The following SGCZ variants were observed in gnomAD, a reference collection of about 807,000 sequenced individuals.
SGCZ encodes the protein zeta-sarcoglycan.
Under a neutral mutation model 41.3 loss-of-function variants are expected in SGCZ, and 40 were observed. That is an observed-to-expected ratio of 0.97 (90% CI 0.75 to 1.26). The LOEUF (loss-of-function observed/expected upper bound fraction) is 1.26. Among genes scored for constraint, SGCZ ranks in the 50% most tolerant of loss-of-function variants. SGCZ has a pLI of 0.00. For synonymous variants in SGCZ, 206 were observed against 137.5 expected, an observed-to-expected ratio of 1.50 and a Z score of -3.49; for missense variants, 552 against 369.8, an observed-to-expected ratio of 1.49 and a Z score of -4.04.
intron 1 of SGCZ, among the ~76,000 whole-genome samples, chr8:14,932,440 T>C (rs898798340): frequency 1.1e-4 from 16 of 152,106 alleles, no homozygotes; most frequent in African/African-American, 3.9e-4. Context: ...TAATTTTGAC[T>C]TCAGGCTCTA....
rs187764057 is a variant in SGCZ, at chr8:14,414,732, C to G, written c.235-90528G>C. Among the ~76,000 whole-genome samples the G allele has an allele frequency of 3.0e-3, 452 of 151,938 alleles. 2 individuals carry two copies. The highest frequency in any genetic ancestry group is 0.01 in the African/African-American group (432 of 41,476). On this transcript the variant is annotated intron_variant, in intron 2 of 7. Coordinates refer to ENST00000382080, the MANE Select transcript of SGCZ (RefSeq NM_139167.4). ...TTCAAGCATGTGATACCTTAAGGCT[C>G]TTTTTGGAAATGGGAAAAATGGCTT...
chr8:15,137,607 G>T (rs1808161372), intron 1 of SGCZ, among the ~76,000 whole-genome samples: 1 of 152,100 alleles, frequency 6.6e-6, no homozygotes, highest in Non-Finnish European at 1.5e-5. Context: ...GCTAAAAGGG[G>T]ACAAGGTACA....
intron 1 of SGCZ, among the ~76,000 whole-genome samples, chr8:15,039,586 T>G (rs1804004245): frequency 6.6e-6 from 1 of 152,192 alleles, no homozygotes; most frequent in African/African-American, 2.4e-5. Context: ...TGTACTACAG[T>G]CAGTCAATAT....
At chr8:14,396,910 G>T (rs991070123) in intron 2 of SGCZ, among the ~76,000 whole-genome samples, 1 of 152,084 alleles carries the variant, frequency 6.6e-6, no homozygotes, top group Non-Finnish European at 1.5e-5. Context: ...ATTGCAGGGA[G>T]CTTAGGTTTT....
chr8:14,310,273 A>AT (rs1165656536), intron 3 of SGCZ, among the ~76,000 whole-genome samples: 2 of 152,034 alleles, frequency 1.3e-5, no homozygotes, highest in Non-Finnish European at 2.9e-5. Flanking sequence ...CTCATGTAAC[A>AT]TTGGTGAAGG....
At chr8:14,590,556 T>A (rs991829157) in intron 1 of SGCZ, among the ~76,000 whole-genome samples, 2 of 150,862 alleles carry the variant, frequency 1.3e-5, no homozygotes, top group Non-Finnish European at 3.0e-5. Flanking sequence ...TCTTTCTATA[T>A]TATTGCTTAT....
At chr8:14,894,234 A>G (rs960644912) in intron 1 of SGCZ, among the ~76,000 whole-genome samples, 6 of 152,188 alleles carry the variant, frequency 3.9e-5, no homozygotes, top group African/African-American at 1.4e-4. Context: ...AGCTTTCAAA[A>G]AAGAACTGCT....
At chr8:14,564,793 T>C (rs1804309417) in intron 1 of SGCZ, among the ~76,000 whole-genome samples, 1 of 152,166 alleles carries the variant, frequency 6.6e-6, no homozygotes, top group Admixed American at 6.5e-5. Context: ...AATGAGTCTC[T>C]AAACAGCTAC....
intron 1 of SGCZ, among the ~76,000 whole-genome samples, chr8:15,157,182 A>G (rs1471133192): frequency 6.6e-6 from 1 of 152,100 alleles, no homozygotes; most frequent in African/African-American, 2.4e-5. Context: ...AGATGATGAC[A>G]TTTTATACTT....
At chr8:14,307,563 C>T (rs1053825498) in intron 3 of SGCZ, among the ~76,000 whole-genome samples, 1 of 152,046 alleles carries the variant, frequency 6.6e-6, no homozygotes, top group Non-Finnish European at 1.5e-5. Context: ...AACTGAGGGA[C>T]AGGGCACTAA....
chr8:14,951,741 G>C (rs558038666), intron 1 of SGCZ, among the ~76,000 whole-genome samples: 2 of 151,978 alleles, frequency 1.3e-5, no homozygotes, highest in African/African-American at 4.8e-5. Context: ...AAGAACATGA[G>C]ATCTTAACTT....
chr8:14,813,335 T>C (rs1246418187), intron 1 of SGCZ, among the ~76,000 whole-genome samples: 1 of 152,088 alleles, frequency 6.6e-6, no homozygotes, highest in Non-Finnish European at 1.5e-5. Flanking sequence ...GAAAAATAAA[T>C]CTGAATGTTA....
At chr8:14,751,122 T>A (rs1225859951) in intron 1 of SGCZ, among the ~76,000 whole-genome samples, 1 of 152,246 alleles carries the variant, frequency 6.6e-6, no homozygotes, top group Non-Finnish European at 1.5e-5. Context: ...TGTTAGCCTA[T>A]TTTTAAGTAT....
Position 14,671,241 on chromosome 8 carries a change from T to C in SGCZ, c.40-116315A>G, listed in dbSNP as rs1398085475. Among the ~76,000 whole-genome samples the C allele has an allele frequency of 4.6e-5, 7 of 152,222 alleles. No individual in the cohort carries two copies. The South Asian group carries it at 1.4e-3, about 31-fold the overall frequency. On this transcript the variant is annotated intron_variant, in intron 1 of 7. Transcript: ENST00000382080. Reference sequence around the variant, plus strand: ...TCTGATGGTTCTCGCAGTGGTGTCATGTGACAGTGGTATCTTTTTATGACC... The same window carrying C: ...TCTGATGGTTCTCGCAGTGGTGTCACGTGACAGTGGTATCTTTTTATGACC...
chr8:14,110,577 T>TAAATA (rs1332142821), intron 5 of SGCZ, among the ~76,000 whole-genome samples: 7 of 152,242 alleles, frequency 4.6e-5, no homozygotes, highest in Admixed American at 2.0e-4. Flanking sequence ...AATTTTAAAC[T>TAAATA]AAATAATACG....
intron 3 of SGCZ, among the ~76,000 whole-genome samples, chr8:14,274,688 G>A (rs1281276791): frequency 6.6e-6 from 1 of 151,978 alleles, no homozygotes; most frequent in African/African-American, 2.4e-5. Flanking sequence ...AACCTCAAAT[G>A]TGCCCTTTCT....
At chr8:14,352,581 A>G (rs1803140696) in intron 2 of SGCZ, among the ~76,000 whole-genome samples, 1 of 152,116 alleles carries the variant, frequency 6.6e-6, no homozygotes. Flanking sequence ...TGCCTCTGGC[A>G]CAAACAACCA....
At chr8:14,853,814 G>A (rs994135426) in intron 1 of SGCZ, among the ~76,000 whole-genome samples, 1 of 151,790 alleles carries the variant, frequency 6.6e-6, no homozygotes, top group Non-Finnish European at 1.5e-5. Context: ...TCCTTTCTCT[G>A]TTCTTTCTTC....
intron 1 of SGCZ, among the ~76,000 whole-genome samples, chr8:15,222,909 A>C (rs1016532761): frequency 1.3e-5 from 2 of 152,166 alleles, no homozygotes; most frequent in African/African-American, 4.8e-5. Context: ...TAAAACTGAT[A>C]ATTGCCAACA....
Sources: gnomAD v4.1 joint callset for allele counts (sites outside exome capture counted in the v4.1 genomes callset) on GRCh38, gnomAD v4.1.1 for gene constraint, MANE v1.5 for transcripts, NCBI Gene and HGNC (gene_info 2026-07-23, HGNC 2026-07-21) for gene names.